The following FARP1 variants were observed in gnomAD, a reference collection of about 807,000 sequenced individuals.
FARP1 encodes the protein FERM, ARHGEF and pleckstrin domain-containing protein 1.
Under a neutral mutation model 128.8 loss-of-function variants are expected in FARP1, and 52 were observed. That is an observed-to-expected ratio of 0.40 (90% confidence interval 0.32 to 0.51). FARP1 has a LOEUF of 0.51. Among genes scored for constraint, FARP1 ranks in the 20% least tolerant of loss-of-function variants. FARP1 has a pLI of 0.45. For missense variants in FARP1, 1,333 were observed against 1,367.9 expected (o/e 0.97, Z 0.40); for synonymous variants, 580 against 551.8 (o/e 1.05, Z -0.72).
chr13:98,420,807 A>G (rs1566307407), intron 16 of FARP1, among the ~76,000 whole-genome samples: 1 of 152,314 alleles, frequency 6.6e-6, no homozygotes, highest in East Asian at 1.9e-4. Context: ...TGTTCTTGAT[A>G]ATACAGTGAC....
At chr13:98,174,822 G>A (rs2139175890) in intron 1 of FARP1, among the ~76,000 whole-genome samples, 1 of 152,280 alleles carries the variant, frequency 6.6e-6, no homozygotes. Context: ...ATACTACTAT[G>A]TATGAGGAAA....
intron 19 of FARP1, among the ~76,000 whole-genome samples, chr13:98,437,565 A>G (rs930333944): frequency 9.9e-5 from 15 of 152,164 alleles, no homozygotes; most frequent in African/African-American, 3.6e-4. Context: ...CTGTGTGCCC[A>G]GGAGGGCTTC....
chr13:98,437,816 C>T, intron 19 of FARP1: 1 of 1,597,166 alleles, frequency 6.3e-7, no homozygotes, highest in East Asian at 2.2e-5. Flanking sequence ...AAGCCAGGCG[C>T]ATCCCATGTG....
At chr13:98,251,980 T>A (rs1048777166) in intron 2 of FARP1, among the ~76,000 whole-genome samples, 18 of 151,866 alleles carry the variant, frequency 1.2e-4, no homozygotes, top group Non-Finnish European at 2.5e-4. Context: ...CCTGAAGAGC[T>A]GGGATTGCAG....
intron 6 of FARP1, chr13:98,381,473 T>C (rs1045618730): frequency 2.0e-5 from 3 of 152,236 alleles, no homozygotes; most frequent in Non-Finnish European, 2.9e-5. Flanking sequence ...TATTTTTTCA[T>C]TTGTTCCTCC....
At chr13:98,359,847 G>T (rs963904353) in intron 3 of FARP1, among the ~76,000 whole-genome samples, 1 of 152,322 alleles carries the variant, frequency 6.6e-6, no homozygotes, top group Middle Eastern at 3.4e-3. Context: ...CTAATGATGT[G>T]CAAAGCACAC....
At chr13:98,366,025 G>T (rs899889878) in intron 4 of FARP1, among the ~76,000 whole-genome samples, 1 of 152,030 alleles carries the variant, frequency 6.6e-6, no homozygotes, top group African/African-American at 2.4e-5. Flanking sequence ...CAAAGAAAAA[G>T]AATGCTTCCT....
At chr13:98,312,414 C>T (rs1886514113) in intron 2 of FARP1, among the ~76,000 whole-genome samples, 1 of 152,162 alleles carries the variant, frequency 6.6e-6, no homozygotes, top group African/African-American at 2.4e-5. Flanking sequence ...GCTGGGATTA[C>T]AGGCGTGAGA....
intron 24 of FARP1, chr13:98,445,867 G>T (rs1246851848): frequency 1.3e-5 from 6 of 452,722 alleles, no homozygotes; most frequent in Non-Finnish European, 2.4e-5. Context: ...GTGTCTTTTG[G>T]GGGGACACAG....
chr13:98,278,482 G>A (rs931238134), intron 2 of FARP1, among the ~76,000 whole-genome samples: 2 of 152,154 alleles, frequency 1.3e-5, no homozygotes, highest in Non-Finnish European at 2.9e-5. Context: ...TGAGTGTGTT[G>A]TGTAACTCAC....
chr13:98,172,348 G>A (rs1877713029), intron 1 of FARP1, among the ~76,000 whole-genome samples: 1 of 152,002 alleles, frequency 6.6e-6, no homozygotes, highest in Non-Finnish European at 1.5e-5. Context: ...GTTGGCACGG[G>A]GGCTGGGGCT....
chr13:98,285,979 C>T (rs1322461907), intron 2 of FARP1, among the ~76,000 whole-genome samples: 3 of 152,126 alleles, frequency 2.0e-5, no homozygotes, highest in Non-Finnish European at 4.4e-5. Flanking sequence ...TGCATGCAGA[C>T]CTATGTATGC....
At chr13:98,331,978 T>C (rs1887527792) in intron 2 of FARP1, among the ~76,000 whole-genome samples, 1 of 152,234 alleles carries the variant, frequency 6.6e-6, no homozygotes, top group African/African-American at 2.4e-5. Flanking sequence ...GCTTGACTTT[T>C]TCTACCCTCC....
intron 2 of FARP1, among the ~76,000 whole-genome samples, chr13:98,261,069 A>C (rs1483059739): frequency 3.9e-5 from 6 of 152,126 alleles, no homozygotes; most frequent in Non-Finnish European, 8.8e-5. Flanking sequence ...GAGGAAGGGG[A>C]AACTCTGGTG....
chr13:98,168,783 G>C (rs1414299696), intron 1 of FARP1, among the ~76,000 whole-genome samples: 1 of 152,172 alleles, frequency 6.6e-6, no homozygotes, highest in Admixed American at 6.5e-5. Flanking sequence ...GGATTTGTTA[G>C]AAGATCAGAA....
Position 98,218,032 on chromosome 13 carries a change from G to A in FARP1, c.171+4619G>A, listed in dbSNP as rs139767824. Among the ~76,000 whole-genome samples, 565 of 152,174 alleles carry A rather than the reference G, an allele frequency of 3.7e-3. 1 individual carries two copies. The highest frequency in any genetic ancestry group is 0.012 in the African/African-American group (512 of 41,510). On this transcript the variant is annotated intron_variant, in intron 2 of 26. Coordinates refer to ENST00000319562, the MANE Select transcript of FARP1 (RefSeq NM_005766.4). ...AGACCCTCAACTTACCCATCTTCTG[G>A]GCACTAAGAGCCGCCTCCTTTGTGA...
intron 5 of FARP1, among the ~76,000 whole-genome samples, chr13:98,370,496 G>A (rs1166856691): frequency 6.6e-6 from 1 of 151,438 alleles, no homozygotes; most frequent in Non-Finnish European, 1.5e-5. Flanking sequence ...CGGAAGCAGG[G>A]TCCCTCTGTC....
chr13:98,163,431 T>A (rs1877022106), intron 1 of FARP1, among the ~76,000 whole-genome samples: 1 of 152,090 alleles, frequency 6.6e-6, no homozygotes, highest in Admixed American at 6.6e-5. Context: ...AACCTGCACG[T>A]GTACCCTGAA....
At chr13:98,403,128 T>C (rs1890839489) in intron 13 of FARP1, 1 of 151,918 alleles carries the variant, frequency 6.6e-6, no homozygotes, top group Admixed American at 6.6e-5. Flanking sequence ...AATTTGTACT[T>C]GGAATACCTC....
Sources: gnomAD v4.1 joint callset for allele counts (sites outside exome capture counted in the v4.1 genomes callset) on GRCh38, gnomAD v4.1.1 for gene constraint, MANE v1.5 for transcripts, NCBI Gene and HGNC (gene_info 2026-07-23, HGNC 2026-07-21) for gene names.